Variants in CEP15 observed in about 807,000 individuals in gnomAD.
The protein encoded by CEP15 is centrosomal protein 15 kDa.
At chr3:62,330,226 C>A in the CEP15 span, among the ~76,000 whole-genome samples, 1 of 152,170 alleles carries the variant, frequency 6.6e-6, no homozygotes, top group African/African-American at 2.4e-5. Context: ...AGCATTGGCT[C>A]CTTCACACCC....
the CEP15 span, among the ~76,000 whole-genome samples, chr3:62,329,194 C>T: frequency 2.6e-5 from 4 of 152,114 alleles, no homozygotes; most frequent in African/African-American, 9.6e-5. Flanking sequence ...ATTTATAAAC[C>T]TTTGAAAATT....
At chr3:62,326,933 A>G in the CEP15 span, among the ~76,000 whole-genome samples, 13 of 152,350 alleles carry the variant, frequency 8.5e-5, no homozygotes, top group African/African-American at 3.1e-4. Context: ...ATAAGAAATT[A>G]CCACTAATTC....
chr3:62,321,585 G>C, the CEP15 span, among the ~76,000 whole-genome samples: 2 of 151,772 alleles, frequency 1.3e-5, no homozygotes, highest in African/African-American at 2.4e-5. The surrounding 1 kb of genome is among the most constrained non-coding windows in gnomAD (Gnocchi z 4.1). Flanking sequence ...GTGTACAAAG[G>C]GATATGTATT....
At chr3:62,320,075 A>G in the CEP15 span, among the ~76,000 whole-genome samples, 1 of 152,220 alleles carries the variant, frequency 6.6e-6, no homozygotes, top group African/African-American at 2.4e-5. Context: ...CTTTCTGTCT[A>G]TGTGTGTTTG....
the CEP15 span, among the ~76,000 whole-genome samples, chr3:62,326,969 T>C: frequency 1.3e-5 from 2 of 152,236 alleles, no homozygotes; most frequent in Non-Finnish European, 2.9e-5. Flanking sequence ...AGAGTTCACA[T>C]TTCTCTGATA....
At chr3:62,320,530 T>A in the CEP15 span, 3 of 1,605,894 alleles carry the variant, frequency 1.9e-6, no homozygotes, top group Non-Finnish European at 2.6e-6. Context: ...GAAATGTAAG[T>A]TTTTTTAAAG....
At chr3:62,333,760 T>G in the CEP15 span, 4 of 162,230 alleles carry the variant, frequency 2.5e-5, no homozygotes, top group African/African-American at 7.2e-5. The surrounding 1 kb of genome is among the most constrained non-coding windows in gnomAD (Gnocchi z 4.0). Flanking sequence ...AATCCTTACT[T>G]TTTAGGGACA....
chr3:62,322,226 T>G, the CEP15 span: 2 of 588,022 alleles, frequency 3.4e-6, no homozygotes, highest in Non-Finnish European at 5.6e-6. The surrounding 1 kb of genome is among the most constrained non-coding windows in gnomAD (Gnocchi z 5.5). Flanking sequence ...ATATGTATCC[T>G]CATTTTTTTA....
At chr3:62,330,982 CTGTT>C in the CEP15 span, among the ~76,000 whole-genome samples, 1 of 151,982 alleles carries the variant, frequency 6.6e-6, no homozygotes, top group African/African-American at 2.4e-5. Context: ...ATCTTTCTGG[CTGTT>C]TTTTAGTGAT....
chr3:62,321,165 C>T, the CEP15 span, among the ~76,000 whole-genome samples: 1 of 152,164 alleles, frequency 6.6e-6, no homozygotes, highest in Admixed American at 6.5e-5. This position sits in a 1 kb window ranked among gnomAD's most constrained non-coding sequence, Gnocchi z 4.1. Context: ...AACAGTTTGA[C>T]TGTTATGTAT....
the CEP15 span, chr3:62,320,415 A>G: frequency 7.2e-7 from 1 of 1,396,660 alleles, no homozygotes; most frequent in South Asian, 1.2e-5. Flanking sequence ...AAAGCTGAGG[A>G]CATGTGGTAG....
the CEP15 span, among the ~76,000 whole-genome samples, chr3:62,326,045 A>G: frequency 6.6e-6 from 1 of 150,790 alleles, no homozygotes. Context: ...AAAAAAGGCA[A>G]TTCTGTAAGT....
the CEP15 span, chr3:62,324,025 C>T: frequency 6.6e-6 from 1 of 152,088 alleles, no homozygotes; most frequent in Admixed American, 6.6e-5. Flanking sequence ...CTACTTTCCT[C>T]GTATGTTTTT....
the CEP15 span, chr3:62,333,271 CA>C: frequency 4.3e-6 from 7 of 1,609,346 alleles, no homozygotes; most frequent in East Asian, 1.6e-4. This position sits in a 1 kb window ranked among gnomAD's most constrained non-coding sequence, Gnocchi z 4.0. Flanking sequence ...TACTGGGCAT[CA>C]GTAGAAGAAT....
At chr3:62,328,905 T>G in the CEP15 span, among the ~76,000 whole-genome samples, 11 of 152,096 alleles carry the variant, frequency 7.2e-5, no homozygotes, top group South Asian at 2.1e-4. Flanking sequence ...GAAGTTTTTT[T>G]TTTTTTTTTT....
chr3:62,320,438 A>C, the CEP15 span: 2 of 1,587,350 alleles, frequency 1.3e-6, no homozygotes. Flanking sequence ...GTAACTTTAA[A>C]TGTTTTTATT....
the CEP15 span, chr3:62,333,729 G>A: frequency 6.2e-6 from 1 of 161,730 alleles, no homozygotes; most frequent in South Asian, 1.8e-4. The surrounding 1 kb of genome is among the most constrained non-coding windows in gnomAD (Gnocchi z 4.0). Flanking sequence ...CTTGGTTCTG[G>A]TTTTAAGTTA....
chr3:62,325,050 A>T, the CEP15 span, among the ~76,000 whole-genome samples: 4 of 152,220 alleles, frequency 2.6e-5, no homozygotes, highest in African/African-American at 9.6e-5. Context: ...ACAACTGGAA[A>T]ATATAAGAAA....
chr3:62,334,793 A>T, the CEP15 span: 2 of 152,154 alleles, frequency 1.3e-5, 1 homozygote, highest in Admixed American at 1.3e-4. The surrounding 1 kb of genome is among the most constrained non-coding windows in gnomAD (Gnocchi z 4.9). Context: ...AAATAAATTG[A>T]TAATTTTTTT....
Sources: allele counts gnomAD v4.1 joint callset (sites outside exome capture counted in the v4.1 genomes callset), GRCh38; gene constraint gnomAD v4.1.1; non-coding constraint Gnocchi (gnomAD v3.1); transcripts MANE v1.5; gene names NCBI Gene and HGNC (gene_info 2026-07-23, HGNC 2026-07-21).